The following DNAH10 variants were observed in gnomAD, a reference collection of about 807,000 sequenced individuals.
DNAH10 encodes axonemal beta dynein heavy chain 10.
Under a neutral mutation model 506.6 loss-of-function variants are expected in DNAH10, and 348 were observed. The observed-to-expected ratio is 0.69, with a 90% confidence interval of 0.63 to 0.75. The LOEUF is 0.75. Among genes scored for constraint, DNAH10 ranks in the 30% least tolerant of loss-of-function variants. The pLI, the probability that DNAH10 is intolerant of heterozygous loss-of-function variation, is 0.00. For synonymous variants in DNAH10, 2,059 were observed against 2,198.6 expected (o/e 0.94, Z 1.78); for missense variants, 5,179 against 5,787.1 (o/e 0.89, Z 3.41).
chr12:123,799,504 G>A, intron 14 of DNAH10, 133 bp downstream of exon 14: 1 of 1,265,390 alleles, frequency 7.9e-7, no homozygotes, highest in Non-Finnish European at 1.1e-6. Flanking sequence ...AAGGGCTAGG[G>A]GAGGAGGAGA....
intron 6 of DNAH10, 86 bp downstream of exon 6, chr12:123,781,385 A>C: frequency 7.9e-7 from 1 of 1,267,026 alleles, no homozygotes. Context: ...ATGCCTGGCT[A>C]ACTTTTGGAA....
At chr12:123,814,607 A>G (rs544135275) in intron 21 of DNAH10, among the ~76,000 whole-genome samples, 5 of 143,944 alleles carry the variant, frequency 3.5e-5, no homozygotes, top group African/African-American at 1.1e-4. Context: ...TTGGCCAGGT[A>G]GATTTTTTTT....
At chr12:123,887,086 G>A (rs535848874) in intron 51 of DNAH10, 56 bp from the exon 52 acceptor site, 31 of 1,526,078 alleles carry the variant, frequency 2.0e-5, no homozygotes, top group Middle Eastern at 1.8e-4. Context: ...CCCGGAGCCC[G>A]CAGGGAAGGG....
chr12:123,854,171 C>T (rs1951300178), intron 36 of DNAH10, among the ~76,000 whole-genome samples: 1 of 148,556 alleles, frequency 6.7e-6, no homozygotes, highest in Admixed American at 6.9e-5. Flanking sequence ...TCAGATGGAG[C>T]TGCATTCGTC....
At position 123,917,705 on chromosome 12, in the gene DNAH10, G is replaced by A; in HGVS notation, c.11124G>A (p.Lys3708=). The change falls in exon 64 of 79, where the codon AAG becomes AAA. Residue 3708 remains lysine, a synonymous_variant. Coordinates refer to ENST00000673944, the MANE Select transcript of DNAH10 (RefSeq NM_001372106.1). The surrounding 1 kb of genome is among the most constrained non-coding windows in gnomAD (Gnocchi z 5.6). Reference sequence around the variant, plus strand: ...CCAGCGAGAACAAGAACCTGCTCAAGGACCTGGAAGATTCCCTCCTTCGGG... The same window carrying A: ...CCAGCGAGAACAAGAACCTGCTCAAAGACCTGGAAGATTCCCTCCTTCGGG... ...QETSENKNLL[K]DLEDSLLREL... 1 of 1,560,084 alleles carries A rather than the reference G, an allele frequency of 6.4e-7. No homozygotes were observed. Among genetic ancestry groups the A allele is most frequent in the South Asian group, 1.2e-5 (1 of 84,362 alleles).
rs1415604797 is a variant in DNAH10 at position 123,774,164 on chromosome 12, C to G, written c.521C>G (p.Ala174Gly). 4 of 1,609,424 alleles carry G rather than the reference C, an allele frequency of 2.5e-6. No homozygotes were observed. In the Admixed American group the frequency reaches 6.8e-5, roughly 27 times the overall value. ...TCTTCTTTAGAGGCAATCTCTGAAG[C>G]TACCGACATGAAGGAAGCTATGGAA... ...LRNTKEAISE[A>G]TDMKEAMEIM... is the part of the protein sequence containing the mutation. The change falls in exon 5 of 79, where the codon GCT becomes GGT. Residue 174 changes from alanine (A) to glycine (G), a missense_variant. Around this residue, in one of 3 missense-constraint regions of DNAH10, gnomAD observed 326 missense variants for 330.8 expected, o/e 0.99. Coordinates refer to ENST00000673944, the MANE Select transcript of DNAH10 (RefSeq NM_001372106.1).
chr12:123,922,154 C>T (rs1954758729), intron 65 of DNAH10, among the ~76,000 whole-genome samples: 1 of 152,016 alleles, frequency 6.6e-6, no homozygotes, highest in Non-Finnish European at 1.5e-5. Context: ...GCGGGCGGAT[C>T]ATGAGGTCAA....
intron 5 of DNAH10, among the ~76,000 whole-genome samples, chr12:123,775,682 G>A (rs1593983817): frequency 6.6e-6 from 1 of 152,118 alleles, no homozygotes; most frequent in African/African-American, 2.4e-5. Flanking sequence ...GGAAATGAAG[G>A]CAGGTTTAAG....
rs915049465 is a variant in DNAH10 at position 123,890,982 on chromosome 12, G to A, written c.8996-2251G>A. Among the ~76,000 whole-genome samples, 22 of 152,266 alleles carry A rather than the reference G, an allele frequency of 1.4e-4. 1 individual carries two copies. Among genetic ancestry groups the A allele is most frequent in the Admixed American group, 1.1e-3 (17 of 15,300 alleles). On this transcript the variant is annotated intron_variant, in intron 52 of 78. Transcript: ENST00000673944. ...ATGTCATATAGTGTATTAGTTTGCTGGGGCTGCCGTCACAAAATGCCACAA... is the reference window on the plus strand; with the variant it reads ...ATGTCATATAGTGTATTAGTTTGCTAGGGCTGCCGTCACAAAATGCCACAA...
At chr12:123,923,948 C>A in intron 66 of DNAH10, 81 bp downstream of exon 66, 1 of 1,096,378 alleles carries the variant, frequency 9.1e-7, no homozygotes, top group African/African-American at 1.6e-5. Flanking sequence ...TTGAAACAAA[C>A]AATAACAAAA....
intron 1 of DNAH10, among the ~76,000 whole-genome samples, chr12:123,766,535 C>T (rs912898046): frequency 6.6e-5 from 10 of 152,184 alleles, no homozygotes; most frequent in Admixed American, 4.6e-4. Context: ...AGATGTACCA[C>T]ATTCTACTCA....
intron 46 of DNAH10, 110 bp from the exon 47 acceptor site, chr12:123,875,121 C>T: frequency 7.8e-7 from 1 of 1,278,542 alleles, no homozygotes; most frequent in Non-Finnish European, 1.1e-6. Context: ...ACCGAGGTGC[C>T]CTGGAGAGTA....
rs111959701 is a variant in DNAH10, at chr12:123,765,264, C to T, written c.215-2342C>T. Among the ~76,000 whole-genome samples the T allele has an allele frequency of 2.6e-3, 390 of 152,092 alleles. 3 individuals are homozygous for T. Among genetic ancestry groups the T allele is most frequent in the African/African-American group, 8.9e-3 (369 of 41,474 alleles). On this transcript the variant is annotated intron_variant, in intron 1 of 78. Transcript: ENST00000673944. The stretch of plus-strand genomic sequence containing the variant: ...TGTGTTCCTTCTGGAAAAAACAAAA[C>T]GGAATCGTACTGTACATATCATTTA...
At chr12:123,899,243 G>A (rs1055961159) in intron 56 of DNAH10, among the ~76,000 whole-genome samples, 2 of 152,080 alleles carry the variant, frequency 1.3e-5, no homozygotes, top group Admixed American at 1.3e-4. Context: ...CTTCTTGGCC[G>A]AGCCTCTGTG....
At chr12:123,794,182 A>G (rs1364136716) in intron 12 of DNAH10, 70 bp downstream of exon 12, 5 of 1,007,694 alleles carry the variant, frequency 5.0e-6, no homozygotes, top group Non-Finnish European at 6.1e-6. Context: ...ATTGAATCCC[A>G]CTATTGTCTG....
chr12:123,772,263 A>G (rs950341763), intron 3 of DNAH10, among the ~76,000 whole-genome samples: 2 of 152,144 alleles, frequency 1.3e-5, no homozygotes, highest in African/African-American at 4.8e-5. Context: ...ACAGGCATTC[A>G]CCAAACTCGC....
intron 23 of DNAH10, among the ~76,000 whole-genome samples, chr12:123,819,704 T>G (rs946311701): frequency 2.1e-5 from 3 of 144,710 alleles, no homozygotes; most frequent in Non-Finnish European, 4.6e-5. Context: ...AATTCTGTTT[T>G]TTTTTTTTTT....
intron 52 of DNAH10, 93 bp from the exon 53 acceptor site, chr12:123,893,140 T>C: frequency 7.5e-7 from 1 of 1,341,136 alleles, no homozygotes; most frequent in South Asian, 1.3e-5. Flanking sequence ...CAGCACCTGC[T>C]GATCTTTCCA....
chr12:123,829,702 C>T (rs1465833951), intron 25 of DNAH10, among the ~76,000 whole-genome samples: 1 of 151,238 alleles, frequency 6.6e-6, no homozygotes, highest in Non-Finnish European at 1.5e-5. Flanking sequence ...CTGACCATTT[C>T]CATGGCCGTG....
Sources: gnomAD v4.1 joint callset for allele counts (sites outside exome capture counted in the v4.1 genomes callset) on GRCh38, gnomAD v4.1.1 for gene constraint, gnomAD v4.1.1 regional missense constraint, Gnocchi (gnomAD v3.1) non-coding constraint, MANE v1.5 for transcripts, NCBI Gene and HGNC (gene_info 2026-07-23, HGNC 2026-07-21) for gene names.